UQCRC1: variants seen among roughly 807,000 people sequenced by gnomAD.
UQCRC1 encodes the protein cytochrome b-c1 complex subunit 1, mitochondrial.
Under a neutral mutation model 58.0 loss-of-function variants are expected in UQCRC1, and 34 were observed. That is an observed-to-expected ratio of 0.59 (90% CI 0.45 to 0.78). The LOEUF is 0.78. Ranked by LOEUF, UQCRC1 falls within the 30% of genes least tolerant of loss-of-function variation. The probability of loss-of-function intolerance (pLI) is 0.00; values close to 1 mark genes in which losing one functional copy is unlikely to be tolerated. For synonymous variants in UQCRC1, 276 were observed against 248.8 expected, an observed-to-expected ratio of 1.11 and a Z score of -1.03; for missense variants, 610 against 646.0, an observed-to-expected ratio of 0.94 and a Z score of 0.60.
At position 48,600,575 on chromosome 3, in the gene UQCRC1, G is replaced by A. The variant is rs564377121; in HGVS notation, c.1128-8C>T. The stretch of plus-strand genomic sequence containing the variant: ...CTGGTACACAGGCGCATCCTAAAGT[G>A]GGGGGGTGGGTGGTATTCATTCTGA... On this transcript the variant is annotated splice_region_variant and splice_polypyrimidine_tract_variant and intron_variant, in intron 9 of 12. Coordinates refer to ENST00000203407, the MANE Select transcript of UQCRC1 (RefSeq NM_003365.3). 1.9e-6 allele frequency: 3 copies of A among 1,613,860 alleles called. No homozygotes were observed. Among genetic ancestry groups the A allele is most frequent in the East Asian group, 2.2e-5 (1 of 44,882 alleles).
In UQCRC1 at chr3:48,609,022, G is replaced by A. The variant is rs2046438197; in HGVS notation, c.210+140C>T. On this transcript the variant is annotated intron_variant, in intron 2 of 12. Coordinates refer to ENST00000203407, the MANE Select transcript of UQCRC1 (RefSeq NM_003365.3). ...AAGGCGTGGCTAGGGTAGGGAATGG[G>A]GCCATTCTCGGGGTGAGTGGTCCTG... 3 of 1,170,528 alleles carry A rather than the reference G, an allele frequency of 2.6e-6. No individual in the cohort carries two copies. In the African/African-American group the frequency reaches 4.7e-5, roughly 18 times the overall value. The allele number at this position is 1,170,528 out of a possible 1,614,324, so 72.5% of individuals were successfully genotyped here.
chr3:48,599,944 T>C (rs2046347986), intron 11 of UQCRC1, 119 bp downstream of exon 11: 6 of 1,294,102 alleles, frequency 4.6e-6, no homozygotes, highest in Non-Finnish European at 5.4e-6. Flanking sequence ...AGGTGACAGC[T>C]GCCTAGGACA....
chr3:48,603,460 G>T, intron 6 of UQCRC1, 104 bp downstream of exon 6: 1 of 1,127,268 alleles, frequency 8.9e-7, no homozygotes, highest in Non-Finnish European at 1.3e-6. Context: ...TGGGAGCAGA[G>T]TCCCCTGGGG....
chr3:48,600,253 CT>C, intron 10 of UQCRC1, 102 bp from the exon 11 acceptor site: 1 of 1,289,764 alleles, frequency 7.8e-7, no homozygotes, highest in Middle Eastern at 1.8e-4. Flanking sequence ...CCTCCCTGAC[CT>C]CATGCTGACT....
At position 48,609,312 on chromosome 3, in the gene UQCRC1, G is replaced by C; in HGVS notation, c.70-10C>G. 2 of 1,599,808 alleles carry C rather than the reference G, an allele frequency of 1.3e-6. No individual in the cohort carries two copies. Among genetic ancestry groups the C allele is most frequent in the Middle Eastern group, 1.7e-4 (1 of 5,968 alleles). ...TCCGCAGCAGGGCCGGCTGTGGAAG[G>C]GAACAGCCGCGAGTGAGGACTCGGT... On this transcript the variant is annotated splice_polypyrimidine_tract_variant and intron_variant, in intron 1 of 12. Coordinates refer to ENST00000203407, the MANE Select transcript of UQCRC1 (RefSeq NM_003365.3).
At chr3:48,601,299 G>C (rs529484723) in intron 7 of UQCRC1, 53 bp downstream of exon 7, 1 of 1,597,188 alleles carries the variant, frequency 6.3e-7, no homozygotes, top group East Asian at 2.3e-5. Context: ...GCACATGGGG[G>C]TCCTCCCACA....
Position 48,609,150 on chromosome 3 carries a change from T to A in UQCRC1, c.210+12A>T. On this transcript the variant is annotated intron_variant, in intron 2 of 12. Coordinates refer to ENST00000203407, the MANE Select transcript of UQCRC1 (RefSeq NM_003365.3). ...CCTGGAGGCCCTCTCCCCAAAAGCG[T>A]CCCCAACTCACCGTGCAAGTGGGCT... 1 of 1,600,796 alleles carries A rather than the reference T, an allele frequency of 6.2e-7. No individual in the cohort carries two copies. Among genetic ancestry groups the A allele is most frequent in the Non-Finnish European group, 8.5e-7 (1 of 1,170,412 alleles).
Position 48,603,548 on chromosome 3 carries a change from T to A in UQCRC1, c.706+16A>T. The A allele has an allele frequency of 1.2e-6, 2 of 1,612,904 alleles. No homozygotes were observed. The highest frequency in any genetic ancestry group is 1.7e-6 in the Non-Finnish European group (2 of 1,179,748). ...GGGACCCCACTACCCAGGACTTCAG[T>A]GATTCCATCACTCACCTCCAGCTGC... On this transcript the variant is annotated intron_variant, in intron 6 of 12. Transcript: ENST00000203407.
intron 2 of UQCRC1, among the ~76,000 whole-genome samples, chr3:48,607,104 C>T (rs1188943711): frequency 6.6e-6 from 1 of 151,072 alleles, no homozygotes; most frequent in Non-Finnish European, 1.5e-5. Flanking sequence ...TGCAGTGGTG[C>T]GATCTTGGCT....
chr3:48,603,424 G>A (rs2046383392), intron 6 of UQCRC1, 140 bp downstream of exon 6: 1 of 758,074 alleles, frequency 1.3e-6, no homozygotes, highest in Non-Finnish European at 2.2e-6. Context: ...AGCACAGGAG[G>A]AAGGTCATTC....
At chr3:48,601,549 C>G in intron 6 of UQCRC1, 82 bp from the exon 7 acceptor site, 1 of 1,296,074 alleles carries the variant, frequency 7.7e-7, no homozygotes, top group Non-Finnish European at 1.1e-6. Context: ...GCAGAGGACC[C>G]CCATGTCCTG....
intron 6 of UQCRC1, among the ~76,000 whole-genome samples, chr3:48,602,180 A>T (rs566958400): frequency 2.0e-4 from 31 of 151,976 alleles, no homozygotes; most frequent in Non-Finnish European, 4.0e-4. Flanking sequence ...CCTCCCGAGT[A>T]GCTGGGACTA....
chr3:48,605,877 A>G, intron 2 of UQCRC1, 21 bp from the exon 3 acceptor site: 1 of 1,612,688 alleles, frequency 6.2e-7, no homozygotes, highest in Admixed American at 1.7e-5. Flanking sequence ...AGCCACCAGA[A>G]AAGGTTACAA....
intron 11 of UQCRC1, among the ~76,000 whole-genome samples, 167 bp downstream of exon 11, chr3:48,599,896 A>G (rs145477907): frequency 1.4e-3 from 216 of 152,308 alleles, no homozygotes; most frequent in Middle Eastern, 6.8e-3. Flanking sequence ...CACAGCCATC[A>G]GCACCTATGC....
intron 1 of UQCRC1, 123 bp downstream of exon 1, chr3:48,609,429 C>G: frequency 6.6e-7 from 1 of 1,513,230 alleles, no homozygotes; most frequent in Admixed American, 2.0e-5. Context: ...CGCCCTCCGC[C>G]GTGACCTTCC....
In UQCRC1 at chr3:48,601,119, C is replaced by T; in HGVS notation, c.823-1G>A. 1.9e-6 allele frequency: 3 copies of T among 1,597,494 alleles called. No homozygotes were observed. Among genetic ancestry groups the T allele is most frequent in the Non-Finnish European group, 2.6e-6 (3 of 1,168,842 alleles). On this transcript the variant is annotated splice_acceptor_variant, in intron 7 of 12. Coordinates refer to ENST00000203407, the MANE Select transcript of UQCRC1 (RefSeq NM_003365.3). LOFTEE classifies it high-confidence loss of function. ...GTAGAGCATCATCACGGTGGCGGAT[C>T]TGAAACAGTACATGACAAGGCTGAG... is the stretch of plus-strand genomic sequence containing the variant.
intron 6 of UQCRC1, 94 bp downstream of exon 6, chr3:48,603,470 G>T: frequency 1.6e-6 from 2 of 1,286,708 alleles, no homozygotes; most frequent in Non-Finnish European, 1.1e-6. Flanking sequence ...GTCCCCTGGG[G>T]TGAAAGGTCC....
intron 10 of UQCRC1, 113 bp downstream of exon 10, chr3:48,600,369 C>T (rs1048048319): frequency 5.3e-6 from 7 of 1,331,692 alleles, no homozygotes; most frequent in East Asian, 2.4e-5. Flanking sequence ...TGGGGCATGG[C>T]GTGGTCTTCA....
chr3:48,599,967 A>G (rs755547440), intron 11 of UQCRC1, 96 bp downstream of exon 11: 35 of 1,472,056 alleles, frequency 2.4e-5, no homozygotes, highest in Non-Finnish European at 3.1e-5. Context: ...AGGGATGCCT[A>G]TAGGAGCAGG....
Sources: gnomAD v4.1 joint callset for allele counts (sites outside exome capture counted in the v4.1 genomes callset) on GRCh38, gnomAD v4.1.1 for gene constraint, MANE v1.5 for transcripts, NCBI Gene and HGNC (gene_info 2026-07-23, HGNC 2026-07-21) for gene names.